Variants in USP14 observed in about 807,000 individuals in gnomAD.
USP14 encodes ubiquitin specific peptidase 14, also known as ubiquitin carboxyl-terminal hydrolase 14.
A neutral mutation model predicts 76.5 loss-of-function variants in USP14; 38 were observed. The ratio of observed to expected loss-of-function variants is 0.50; its 90% CI spans 0.38 to 0.65. The LOEUF (loss-of-function observed/expected upper bound fraction) is 0.65, where lower values mean the gene tolerates loss of function less well. Ranked by LOEUF, USP14 falls within the 30% of genes least tolerant of loss-of-function variation. USP14 has a pLI of 0.00. For synonymous variants in USP14, 192 were observed against 191.7 expected (o/e 1.00, Z -0.01); for missense variants, 467 against 586.5 (o/e 0.80, Z 2.10).
At chr18:173,421 GT>G (rs1427076006) in intron 3 of USP14, among the ~76,000 whole-genome samples, 2 of 142,316 alleles carry the variant, frequency 1.4e-5, no homozygotes, top group Non-Finnish European at 3.1e-5. Context: ...TATATTGTCT[GT>G]TTTTTTGAGA....
intron 10 of USP14, 64 bp from the exon 11 acceptor site, chr18:202,816 T>A: frequency 2.0e-6 from 3 of 1,534,844 alleles, no homozygotes; most frequent in Non-Finnish European, 2.7e-6. Context: ...ACTGGTGTGA[T>A]TCTATATTGC....
In USP14 at chr18:214,315, G is replaced by A; in HGVS notation, c.*3031G>A. On this transcript the variant is annotated 3_prime_UTR_variant, in exon 16 of 16. Transcript: ENST00000261601. ...AAAACTACTAACAAACAACACACAG[G>A]AAACTAATTTGGTATAAGAAACGAC... is the stretch of plus-strand genomic sequence containing the variant. 1 of 225,756 alleles carries A rather than the reference G, an allele frequency of 4.4e-6. No homozygotes were observed. The highest frequency in any genetic ancestry group is 8.7e-6 in the Non-Finnish European group (1 of 115,270). 14.0% of individuals were successfully genotyped at this position (225,756 alleles called of 1,614,324 possible).
chr18:211,264 G>C lies in USP14; in HGVS notation c.1465G>C (p.Glu489Gln). Residue 489 changes from glutamate to glutamine, a missense_variant, in exon 16 of 16, where the codon GAA becomes CAA. By Grantham distance (29) the Glu-to-Gln change is conservative. Coordinates refer to ENST00000261601, the MANE Select transcript of USP14 (RefSeq NM_005151.4). ...TGGGCCTCGCAGAGTTGAAATAATG[G>C]AAGAGGAAAGTGAACAGTAATCTTC... The part of the protein sequence containing the change: ...LYGPRRVEIM[E>Q]EESEQ The C allele has an allele frequency of 1.9e-6, 3 of 1,610,332 alleles. No individual in the cohort carries two copies. The highest frequency in any genetic ancestry group is 2.5e-6 in the Non-Finnish European group (3 of 1,178,288).
At chr18:204,807 T>A in intron 13 of USP14, 115 bp downstream of exon 13, 1 of 1,137,304 alleles carries the variant, frequency 8.8e-7, no homozygotes, top group Non-Finnish European at 1.2e-6. Context: ...ATACTTTGTA[T>A]AGTATTATTT....
chr18:176,524 A>T (rs1462798863), intron 3 of USP14, among the ~76,000 whole-genome samples: 4 of 152,014 alleles, frequency 2.6e-5, no homozygotes, highest in Admixed American at 2.6e-4. Context: ...GCCTTTTTTT[A>T]AATCTCTTTT....
rs1338934015 is a variant in USP14, at chr18:211,818, A to G, written c.*534A>G. The G allele has an allele frequency of 6.6e-6, 1 of 152,658 alleles. No homozygotes were observed. Among genetic ancestry groups the G allele is most frequent in the Non-Finnish European group, 1.5e-5 (1 of 68,062 alleles). The allele number at this position is 152,658 out of a possible 1,614,324, so 9.5% of individuals were successfully genotyped here. A position where few individuals can be genotyped will look rare whatever the true frequency, so the allele number is the denominator to read the frequency against. ...CATGGAAACATGGGCACAATCAAGT[A>G]TTTGTCCAGCCTATTGCAGGCTTTT... is the stretch of plus-strand genomic sequence containing the variant. On this transcript the variant is annotated 3_prime_UTR_variant, in exon 16 of 16. Coordinates refer to ENST00000261601, the MANE Select transcript of USP14 (RefSeq NM_005151.4).
chr18:177,416 T>G (rs1909656476), intron 3 of USP14, among the ~76,000 whole-genome samples: 2 of 144,850 alleles, frequency 1.4e-5, no homozygotes, highest in African/African-American at 5.2e-5. Flanking sequence ...AGTGAGTCCC[T>G]GTCTCTAAAA....
intron 2 of USP14, among the ~76,000 whole-genome samples, chr18:165,812 C>G (rs1164817307): frequency 6.6e-6 from 1 of 151,906 alleles, no homozygotes; most frequent in Non-Finnish European, 1.5e-5. Flanking sequence ...TTGAGAAGGG[C>G]CTTTAGGAAG....
chr18:199,447 G>A (rs1203262936), intron 10 of USP14, 131 bp downstream of exon 10: 4 of 612,448 alleles, frequency 6.5e-6, no homozygotes, highest in Admixed American at 3.1e-5. Context: ...TGAGTTGCCC[G>A]ATACACACAG....
chr18:205,059 A>G (rs1384759852), intron 13 of USP14, among the ~76,000 whole-genome samples: 1 of 151,990 alleles, frequency 6.6e-6, no homozygotes, highest in East Asian at 1.9e-4. Flanking sequence ...TATTTTTGGT[A>G]GAGACAGGGT....
intron 2 of USP14, 39 bp from the exon 3 acceptor site, chr18:166,748 C>T: frequency 2.5e-6 from 4 of 1,597,084 alleles, no homozygotes; most frequent in Middle Eastern, 1.7e-4. Flanking sequence ...TCAGCTTGTA[C>T]AGTGGTGGTT....
At chr18:197,093 C>A (rs1400113921) in intron 7 of USP14, among the ~76,000 whole-genome samples, 2 of 152,234 alleles carry the variant, frequency 1.3e-5, no homozygotes, top group Non-Finnish European at 1.5e-5. Flanking sequence ...TTCATCACTA[C>A]CACTCTGTCC....
At chr18:193,415 T>C (rs941687772) in intron 6 of USP14, among the ~76,000 whole-genome samples, 4 of 152,204 alleles carry the variant, frequency 2.6e-5, no homozygotes, top group African/African-American at 9.6e-5. Context: ...ATGCCTTTTT[T>C]TTTACTCTCT....
In USP14 at chr18:198,105, A is replaced by C. The variant is rs1354177512; in HGVS notation, c.734A>C (p.Gln245Pro). 1 of 1,609,912 alleles carries C rather than the reference A, an allele frequency of 6.2e-7. No homozygotes were observed. The highest frequency in any genetic ancestry group is 1.7e-5 in the Admixed American group (1 of 59,976). Reference sequence around the variant, plus strand: ...TCTAAAAAGAAAAGTTTAATCGATCAGTTCTTCGGTGTTGAGTTTGAAACT... The same window carrying C: ...TCTAAAAAGAAAAGTTTAATCGATCCGTTCTTCGGTGTTGAGTTTGAAACT... ...TPSKKKSLID[Q>P]FFGVEFETTM... is the part of the protein sequence containing the mutation. The change falls in exon 9 of 16, where the codon CAG becomes CCG. Residue 245 changes from glutamine to proline, a missense_variant. By Grantham distance (76) the Gln-to-Pro change is moderately conservative (BLOSUM62 -1). Transcript: ENST00000261601.
At chr18:191,081 A>C (rs1910072091) in intron 5 of USP14, among the ~76,000 whole-genome samples, 1 of 152,134 alleles carries the variant, frequency 6.6e-6, no homozygotes, top group African/African-American at 2.4e-5. Flanking sequence ...GCGATTATAT[A>C]GCTAATTACA....
rs1228810229 is a variant in USP14, at chr18:198,100, C to T, written c.729C>T (p.Ile243=). 11 of 1,610,424 alleles carry T rather than the reference C, an allele frequency of 6.8e-6. No individual in the cohort carries two copies. Among genetic ancestry groups the T allele is most frequent in the East Asian group, 4.5e-5 (2 of 44,852 alleles). ...AATPSKKKSL[I]DQFFGVEFET... is the part of the protein sequence containing the mutation. ...CACCTTCTAAAAAGAAAAGTTTAAT[C>T]GATCAGTTCTTCGGTGTTGAGTTTG... The change falls in exon 9 of 16, where the codon ATC becomes ATT. Residue 243 remains isoleucine (I), a synonymous_variant. Coordinates refer to ENST00000261601, the MANE Select transcript of USP14 (RefSeq NM_005151.4).
At chr18:199,053 A>G (rs1173487937) in intron 9 of USP14, 149 bp from the exon 10 acceptor site, 8 of 566,946 alleles carry the variant, frequency 1.4e-5, no homozygotes, top group African/African-American at 1.3e-4. Flanking sequence ...ATTCTTAAGT[A>G]TGTTGAAATG....
At position 158,567 on chromosome 18, in the gene USP14, C is replaced by G. The variant is rs891630980; in HGVS notation, c.-132C>G. 4.5e-6 allele frequency: 4 copies of G among 884,356 alleles called. No individual in the cohort carries two copies. The highest frequency in any genetic ancestry group is 6.7e-6 in the Non-Finnish European group (4 of 597,162). The allele number at this position is 884,356 out of a possible 1,614,324, so 54.8% of individuals were successfully genotyped here. A position where few individuals can be genotyped will look rare whatever the true frequency, so the allele number is the denominator to read the frequency against. ...GCCAGTGGCCGGTTTGAATGAGACT[C>G]GTCGCACCGAAGCCGCCGCCACCAC... On this transcript the variant is annotated 5_prime_UTR_variant, in exon 1 of 16. Coordinates refer to ENST00000261601, the MANE Select transcript of USP14 (RefSeq NM_005151.4).
chr18:214,079 T>C lies in USP14; in HGVS notation c.*2795T>C, dbSNP rs1910770261. On this transcript the variant is annotated 3_prime_UTR_variant, in exon 16 of 16. Coordinates refer to ENST00000261601, the MANE Select transcript of USP14 (RefSeq NM_005151.4). ...GTGCTGCAGCTCCTTAGCTTTGCTGTTGTTATAGTGTAGCTGGAGCCATAG... is the reference window on the plus strand; with the variant it reads ...GTGCTGCAGCTCCTTAGCTTTGCTGCTGTTATAGTGTAGCTGGAGCCATAG... 6.6e-6 allele frequency: 1 copy of C among 152,540 alleles called. No homozygotes were observed. Among genetic ancestry groups the C allele is most frequent in the Admixed American group, 6.6e-5 (1 of 15,252 alleles). 9.4% of individuals were successfully genotyped at this position (152,540 alleles called of 1,614,324 possible). A position where few individuals can be genotyped will look rare whatever the true frequency, so the allele number is the denominator to read the frequency against.
Sources: allele counts gnomAD v4.1 joint callset (sites outside exome capture counted in the v4.1 genomes callset), GRCh38; gene constraint gnomAD v4.1.1; transcripts MANE v1.5; gene names NCBI Gene and HGNC (gene_info 2026-07-23, HGNC 2026-07-21).